The following TPTE variants were observed in gnomAD, a reference collection of about 807,000 sequenced individuals.
TPTE encodes the protein putative tyrosine-protein phosphatase TPTE.
A neutral mutation model predicts 84.1 loss-of-function variants in TPTE; 59 were observed. That is an observed-to-expected ratio of 0.70 (90% CI 0.57 to 0.87). The LOEUF is 0.87. Among genes scored for constraint, TPTE ranks in the 40% least tolerant of loss-of-function variants. The pLI, the probability that TPTE is intolerant of heterozygous loss-of-function variation, is 0.00. For synonymous variants in TPTE, 130 were observed against 223.5 expected, an observed-to-expected ratio of 0.58 and a Z score of 3.73; for missense variants, 382 against 659.6, an observed-to-expected ratio of 0.58 and a Z score of 4.61.
intron 2 of TPTE, among the ~76,000 whole-genome samples, chr21:10,525,195 T>C (rs1257529145): frequency 6.6e-6 from 1 of 152,312 alleles, no homozygotes; most frequent in Non-Finnish European, 1.5e-5. Context: ...CACAAATGGG[T>C]TTTTATTAGT....
chr21:10,544,027 C>T (rs1311971751), intron 7 of TPTE, among the ~76,000 whole-genome samples: 1 of 152,302 alleles, frequency 6.6e-6, no homozygotes, highest in African/African-American at 2.4e-5. Flanking sequence ...GTCTCATGGG[C>T]AGGAGAGACT....
chr21:10,596,023 C>T lies in TPTE; in HGVS notation c.1212C>T (p.Tyr404=), dbSNP rs146294726. The part of the protein sequence containing the change: ...VAYFAQVKHL[Y]NWNLPPRRIL... The stretch of plus-strand genomic sequence containing the variant: ...ATTTTGCACAAGTGAAACATCTCTA[C>T]AACTGGAATCTCCCTCCAAGACGGA... The change falls in exon 20 of 24, where the codon TAC becomes TAT. Residue 404 remains tyrosine, a synonymous_variant. Transcript: ENST00000618007. The T allele has an allele frequency of 1.2e-4, 195 of 1,611,976 alleles. No homozygotes were observed. Among genetic ancestry groups the T allele is most frequent in the East Asian group, 4.5e-5 (2 of 44,770 alleles).
intron 14 of TPTE, among the ~76,000 whole-genome samples, chr21:10,575,837 A>AC (rs796193113): frequency 2.1e-3 from 321 of 151,666 alleles, no homozygotes; most frequent in African/African-American, 7.5e-3. Context: ...AAAAAAAAAA[A>AC]CTCAACATCA....
At chr21:10,601,135 C>A (rs1351512412) in intron 21 of TPTE, among the ~76,000 whole-genome samples, 2 of 152,312 alleles carry the variant, frequency 1.3e-5, no homozygotes, top group Non-Finnish European at 2.9e-5. Context: ...TCAAATGACA[C>A]ACATTAAATA....
intron 19 of TPTE, among the ~76,000 whole-genome samples, chr21:10,592,805 G>GGTGTGTGTGT (rs4041809): frequency 4.8e-4 from 71 of 148,530 alleles, no homozygotes; most frequent in African/African-American, 1.0e-3. Context: ...GATGACTCCT[G>GGTGTGTGTGT]GTGTGTGTGT....
chr21:10,531,581 A>G (rs1407042302), intron 3 of TPTE, among the ~76,000 whole-genome samples: 1 of 152,306 alleles, frequency 6.6e-6, no homozygotes, highest in African/African-American at 2.4e-5. Context: ...ATCCCATTCA[A>G]AAGTTTGGAC....
At chr21:10,563,123 GA>G (rs1250859975) in intron 10 of TPTE, among the ~76,000 whole-genome samples, 1 of 152,418 alleles carries the variant, frequency 6.6e-6, no homozygotes, top group East Asian at 1.9e-4. Context: ...AGTGCTGAAG[GA>G]AAAAAACATT....
rs370631185 is a variant in TPTE, at chr21:10,590,507, T to A, written c.1073T>A (p.Ile358Lys). The change falls in exon 18 of 24, where the codon ATA (isoleucine) becomes AAA (lysine). Residue 358 changes from isoleucine to lysine, a missense_variant. By Grantham distance (102) the Ile-to-Lys change is moderately radical. Transcript: ENST00000618007. ...TGTGCCTTCCTTATTGCCTCTGAAA[T>A]ATGTTCAACTGCAAAGGTATGAAAG... is the stretch of plus-strand genomic sequence containing the variant. ...MVCAFLIASE[I>K]CSTAKESLYY... 2 of 1,614,008 alleles carry A rather than the reference T, an allele frequency of 1.2e-6. No individual in the cohort carries two copies. The highest frequency in any genetic ancestry group is 1.7e-6 in the Non-Finnish European group (2 of 1,179,936).
chr21:10,540,879 C>G, intron 4 of TPTE: 1 of 679,096 alleles, frequency 1.5e-6, no homozygotes, highest in Non-Finnish European at 2.7e-6. Context: ...TGTAGATACC[C>G]TTACTTAATC....
At chr21:10,529,758 A>G (rs2074143427) in intron 3 of TPTE, among the ~76,000 whole-genome samples, 1 of 152,300 alleles carries the variant, frequency 6.6e-6, no homozygotes, top group South Asian at 2.1e-4. Context: ...TTCAGTTTAT[A>G]ATTAATATCC....
At chr21:10,521,904 GCCTC>G (rs1417119316) in intron 1 of TPTE, among the ~76,000 whole-genome samples, 18 of 151,812 alleles carry the variant, frequency 1.2e-4, no homozygotes, top group East Asian at 3.9e-4. Flanking sequence ...ACTCCGCGAC[GCCTC>G]CCTCCCTCCC....
intron 11 of TPTE, 55 bp from the exon 12 acceptor site, chr21:10,569,382 T>C: frequency 3.1e-6 from 5 of 1,596,714 alleles, no homozygotes; most frequent in Non-Finnish European, 3.4e-6. Context: ...ACATAGTTTA[T>C]ATTGATAAAA....
intron 17 of TPTE, among the ~76,000 whole-genome samples, chr21:10,589,208 C>A (rs1325459984): frequency 3.9e-5 from 6 of 152,280 alleles, no homozygotes; most frequent in African/African-American, 1.4e-4. Flanking sequence ...CTTTCCCTTT[C>A]CCTTCTCCCT....
intron 1 of TPTE, among the ~76,000 whole-genome samples, chr21:10,522,614 A>C (rs364227): frequency 1.3e-5 from 2 of 152,156 alleles, no homozygotes; most frequent in Non-Finnish European, 2.9e-5. Flanking sequence ...CCAGTTTTTC[A>C]TTTGCTTATT....
intron 8 of TPTE, among the ~76,000 whole-genome samples, chr21:10,556,585 G>A (rs212105): frequency 0.22 from 31,471 of 144,264 alleles, 63 homozygotes; most frequent in African/African-American, 0.47. Flanking sequence ...GTCAAATGGT[G>A]TTTCTAGTTT....
chr21:10,525,819 T>C (rs1221729821), intron 2 of TPTE, among the ~76,000 whole-genome samples: 4 of 152,310 alleles, frequency 2.6e-5, no homozygotes, highest in Admixed American at 6.5e-5. Context: ...TCAGACTTCA[T>C]GCAGTACTCT....
intron 3 of TPTE, among the ~76,000 whole-genome samples, chr21:10,533,673 C>G (rs2074218809): frequency 6.6e-6 from 1 of 152,312 alleles, no homozygotes; most frequent in Admixed American, 6.5e-5. Context: ...TCACTGAAAT[C>G]TAGGACGTAA....
At chr21:10,542,252 A>G in intron 5 of TPTE, 143 bp from the exon 6 acceptor site, 1 of 1,036,928 alleles carries the variant, frequency 9.6e-7, no homozygotes, top group Non-Finnish European at 1.4e-6. Flanking sequence ...AGAGGAAAAG[A>G]CATTCCAGGT....
intron 17 of TPTE, 102 bp from the exon 18 acceptor site, chr21:10,590,360 C>CA (rs1257364502): frequency 6.9e-5 from 109 of 1,577,362 alleles, no homozygotes; most frequent in East Asian, 3.5e-4. Context: ...GACCCTGTCT[C>CA]AAAAAAAAGA....
Sources: allele counts gnomAD v4.1 joint callset (sites outside exome capture counted in the v4.1 genomes callset), GRCh38; gene constraint gnomAD v4.1.1; transcripts MANE v1.5; gene names NCBI Gene and HGNC (gene_info 2026-07-23, HGNC 2026-07-21).